GNA15: variants seen among roughly 807,000 people sequenced by gnomAD.
GNA15 encodes G protein subunit alpha 15.
GNA15 carries 23 observed loss-of-function variants against 40.1 expected under a neutral mutation model. That is an observed-to-expected ratio of 0.57 (90% CI 0.41 to 0.81). The LOEUF is 0.81. Ranked by LOEUF, GNA15 falls within the 40% of genes least tolerant of loss-of-function variation. GNA15 has a pLI of 0.00. For synonymous variants in GNA15, 226 were observed against 210.4 expected, an observed-to-expected ratio of 1.07 and a Z score of -0.64; for missense variants, 522 against 515.8, an observed-to-expected ratio of 1.01 and a Z score of -0.12.
At chr19:3,160,430 G>C (rs1915116308) in intron 6 of GNA15, among the ~76,000 whole-genome samples, 1 of 152,202 alleles carries the variant, frequency 6.6e-6, no homozygotes, top group African/African-American at 2.4e-5. Flanking sequence ...AGGGTAGACA[G>C]ACTTCAGCCC....
chr19:3,162,657 T>A, intron 6 of GNA15, 136 bp from the exon 7 acceptor site: 1 of 623,686 alleles, frequency 1.6e-6, no homozygotes, highest in South Asian at 1.9e-5. Context: ...CTACAAAAGA[T>A]GGAGTCAACG....
At chr19:3,141,042 G>GT (rs936116782) in intron 1 of GNA15, among the ~76,000 whole-genome samples, 216 of 138,378 alleles carry the variant, frequency 1.6e-3, no homozygotes, top group African/African-American at 4.1e-3. Flanking sequence ...TCCAAAAGCT[G>GT]TTTTTTTTTT....
chr19:3,156,029 A>G, intron 5 of GNA15, 77 bp downstream of exon 5: 1 of 1,376,554 alleles, frequency 7.3e-7, no homozygotes, highest in Non-Finnish European at 1.0e-6. Context: ...CTGGTGCAGA[A>G]AGGGAGGGAT....
chr19:3,144,560 G>A (rs185816373), intron 1 of GNA15, among the ~76,000 whole-genome samples: 8 of 151,782 alleles, frequency 5.3e-5, no homozygotes, highest in South Asian at 2.1e-4. Flanking sequence ...TCGGAGTCTC[G>A]CTCTGTCACC....
Position 3,163,044 on chromosome 19 carries a change from G to T in GNA15, c.*25G>T. ...ACCCAGGCCCCACCTGGGGCAGGCGGCACCGGCGGGCGGGTGGGAGGTGGG... is the reference window on the plus strand; with the variant it reads ...ACCCAGGCCCCACCTGGGGCAGGCGTCACCGGCGGGCGGGTGGGAGGTGGG... On this transcript the variant is annotated 3_prime_UTR_variant, in exon 7 of 7. Transcript: ENST00000262958. The T allele has an allele frequency of 3.3e-6, 5 of 1,518,446 alleles. No homozygotes were observed. The highest frequency in any genetic ancestry group is 4.6e-6 in the Non-Finnish European group (5 of 1,094,214). The allele number at this position is 1,518,446 out of a possible 1,614,324, so 94.1% of individuals were successfully genotyped here. A position where few individuals can be genotyped will look rare whatever the true frequency, so the allele number is the denominator to read the frequency against.
At position 3,151,942 on chromosome 19, in the gene GNA15, C is replaced by T. The variant is rs1568297333; in HGVS notation, c.614+107C>T. The T allele has an allele frequency of 1.3e-6, 1 of 771,402 alleles. No homozygotes were observed. Among genetic ancestry groups the T allele is most frequent in the Non-Finnish European group, 2.0e-6 (1 of 502,946 alleles). The allele number at this position is 771,402 out of a possible 1,614,324, so 47.8% of individuals were successfully genotyped here. A position where few individuals can be genotyped will look rare whatever the true frequency, so the allele number is the denominator to read the frequency against. On this transcript the variant is annotated intron_variant, in intron 4 of 6. Transcript: ENST00000262958. This position sits in a 1 kb window ranked among gnomAD's most constrained non-coding sequence, Gnocchi z 5.0. The stretch of plus-strand genomic sequence containing the variant: ...TGAGTAGGAGTTTCTTAGGCCCAGC[C>T]TTCAAGGAGCTGCCAAGCTAGGGGA...
At chr19:3,144,710 A>C (rs956385116) in intron 1 of GNA15, among the ~76,000 whole-genome samples, 3 of 149,300 alleles carry the variant, frequency 2.0e-5, no homozygotes, top group African/African-American at 7.4e-5. Flanking sequence ...TTGTATTTTT[A>C]GTAGAGACGG....
intron 2 of GNA15, 41 bp downstream of exon 2, chr19:3,148,816 G>A (rs768537928): frequency 1.3e-6 from 2 of 1,536,382 alleles, no homozygotes; most frequent in East Asian, 2.4e-5. Flanking sequence ...GCAGGCAGGG[G>A]CCCAGGGCAG....
chr19:3,145,161 T>A (rs1303806643), intron 1 of GNA15, among the ~76,000 whole-genome samples: 2 of 143,820 alleles, frequency 1.4e-5, no homozygotes, highest in South Asian at 2.1e-4. Context: ...CCCTAGTTTT[T>A]AATTTTTTTT....
intron 1 of GNA15, 22 bp from the exon 2 acceptor site, chr19:3,148,569 G>C: frequency 6.5e-7 from 1 of 1,543,932 alleles, no homozygotes; most frequent in Non-Finnish European, 8.8e-7. Flanking sequence ...AGGGCTGAGC[G>C]GTTCTGCTGC....
intron 6 of GNA15, among the ~76,000 whole-genome samples, chr19:3,159,078 G>A (rs1334407241): frequency 6.6e-6 from 1 of 152,028 alleles, no homozygotes; most frequent in Admixed American, 6.6e-5. Flanking sequence ...AGGCTGGAGT[G>A]CAGTGGCGCA....
At chr19:3,157,631 C>A in intron 5 of GNA15, 97 bp from the exon 6 acceptor site, 1 of 1,062,520 alleles carries the variant, frequency 9.4e-7, no homozygotes, top group Non-Finnish European at 1.4e-6. Flanking sequence ...GGGGTGAGCC[C>A]ATGCCCCTGG....
At chr19:3,142,643 G>A (rs2144842292) in intron 1 of GNA15, among the ~76,000 whole-genome samples, 1 of 152,152 alleles carries the variant, frequency 6.6e-6, no homozygotes, top group South Asian at 2.1e-4. Flanking sequence ...GGCTGAGGAG[G>A]GGTGGATCAC....
chr19:3,147,634 C>T (rs978390847), intron 1 of GNA15, among the ~76,000 whole-genome samples: 8 of 151,442 alleles, frequency 5.3e-5, no homozygotes, highest in Admixed American at 2.0e-4. Flanking sequence ...TGGCCAGGCG[C>T]GGTGGCTCAC....
intron 1 of GNA15, among the ~76,000 whole-genome samples, chr19:3,139,341 C>A (rs1454990279): frequency 6.6e-6 from 1 of 151,990 alleles, no homozygotes; most frequent in Non-Finnish European, 1.5e-5. Context: ...AATCTTAGCA[C>A]TTTGGGAGGC....
intron 1 of GNA15, among the ~76,000 whole-genome samples, chr19:3,140,331 G>C (rs1914552075): frequency 6.6e-6 from 1 of 151,988 alleles, no homozygotes; most frequent in Non-Finnish European, 1.5e-5. Flanking sequence ...CCTCTCTTTT[G>C]CTCTTGGTAT....
At chr19:3,144,757 T>C (rs1000371945) in intron 1 of GNA15, among the ~76,000 whole-genome samples, 3 of 151,788 alleles carry the variant, frequency 2.0e-5, no homozygotes, top group Non-Finnish European at 4.4e-5. Flanking sequence ...CTCGATCTCC[T>C]GACCTCGTGA....
chr19:3,140,151 T>G (rs922771826), intron 1 of GNA15, among the ~76,000 whole-genome samples: 3 of 152,142 alleles, frequency 2.0e-5, no homozygotes, highest in Non-Finnish European at 4.4e-5. Context: ...TGTCTTATTA[T>G]TTTAAATAAA....
At chr19:3,149,867 C>T in intron 2 of GNA15, 1 of 404,534 alleles carries the variant, frequency 2.5e-6, no homozygotes, top group Non-Finnish European at 4.5e-6. Context: ...GTGCCATGCT[C>T]CCCCTGAGCC....
Sources: allele counts gnomAD v4.1 joint callset (sites outside exome capture counted in the v4.1 genomes callset), GRCh38; gene constraint gnomAD v4.1.1; non-coding constraint Gnocchi (gnomAD v3.1); transcripts MANE v1.5; gene names NCBI Gene and HGNC (gene_info 2026-07-23, HGNC 2026-07-21).